The following FAM193A variants were observed in gnomAD, a reference collection of about 807,000 sequenced individuals.
FAM193A encodes the protein family with sequence similarity 193 member A.
In FAM193A, 22 loss-of-function variants were observed where a neutral mutation model predicts 126.5. The observed-to-expected ratio is 0.17, with a 90% CI of 0.12 to 0.25. FAM193A has a LOEUF of 0.25. Among genes scored for constraint, FAM193A ranks in the 10% least tolerant of loss-of-function variants. The pLI is 1.00. For synonymous variants in FAM193A, 761 were observed against 646.8 expected (o/e 1.18, Z -2.68); for missense variants, 1,675 against 1,672.8 (o/e 1.00, Z -0.02).
intron 13 of FAM193A, among the ~76,000 whole-genome samples, chr4:2,689,008 C>A (rs1051856053): frequency 1.3e-5 from 2 of 152,264 alleles, no homozygotes; most frequent in South Asian, 4.1e-4. Context: ...CCTTTGAGAA[C>A]GCCCTGGTCT....
intron 1 of FAM193A, among the ~76,000 whole-genome samples, chr4:2,591,326 C>G (rs1740559621): frequency 6.6e-6 from 1 of 152,096 alleles, no homozygotes; most frequent in Non-Finnish European, 1.5e-5. Context: ...GACCAAGGGC[C>G]TGGTGTATCC....
At chr4:2,716,526 C>G (rs1339777412) in intron 20 of FAM193A, among the ~76,000 whole-genome samples, 1 of 152,180 alleles carries the variant, frequency 6.6e-6, no homozygotes, top group Non-Finnish European at 1.5e-5. Flanking sequence ...GTGACCCTCA[C>G]ATATGCTGAT....
At chr4:2,637,818 A>C (rs1026713173) in intron 5 of FAM193A, among the ~76,000 whole-genome samples, 1 of 152,226 alleles carries the variant, frequency 6.6e-6, no homozygotes, top group African/African-American at 2.4e-5. Flanking sequence ...CATTGAATTC[A>C]GCGCTAAGGA....
intron 5 of FAM193A, 47 bp downstream of exon 5, chr4:2,631,216 GA>G: frequency 6.5e-7 from 1 of 1,541,732 alleles, no homozygotes; most frequent in Non-Finnish European, 8.8e-7. Flanking sequence ...GAGCTGAAGA[GA>G]AGCATGTGGC....
intron 20 of FAM193A, among the ~76,000 whole-genome samples, chr4:2,729,869 C>A (rs944944936): frequency 6.6e-6 from 1 of 152,174 alleles, no homozygotes; most frequent in Non-Finnish European, 1.5e-5. Context: ...ACCTCAGCCT[C>A]CCAAAGTGCT....
chr4:2,703,340 A>G (rs937565587), intron 19 of FAM193A, among the ~76,000 whole-genome samples: 2 of 152,070 alleles, frequency 1.3e-5, no homozygotes, highest in Non-Finnish European at 2.9e-5. Flanking sequence ...TCCACCCCCC[A>G]GGTTGAAGCA....
At chr4:2,653,593 G>A (rs907219601) in intron 7 of FAM193A, among the ~76,000 whole-genome samples, 13 of 151,986 alleles carry the variant, frequency 8.6e-5, no homozygotes, top group African/African-American at 2.7e-4. Flanking sequence ...ACAGGCGCCC[G>A]CCACCACGCC....
chr4:2,725,713 C>CT lies in FAM193A; in HGVS notation c.4455-6047dup, dbSNP rs869232598. 6.3e-3 allele frequency among the ~76,000 whole-genome samples: 890 copies of CT among 140,188 alleles called. 5 individuals carry two copies. The highest frequency in any genetic ancestry group is 0.016 in the African/African-American group (600 of 38,418). 92.0% of individuals were successfully genotyped at this position (140,188 alleles called of 152,430 possible). A position where few individuals can be genotyped will look rare whatever the true frequency, so the allele number is the denominator to read the frequency against. On this transcript the variant is annotated intron_variant, in intron 20 of 20. Coordinates refer to ENST00000637812, the MANE Select transcript of FAM193A (RefSeq NM_001366318.2). ...GTAAAGCAATGAGAATTCTTGACAA[C>CT]TTTTTTTTTTTTTTTAAGGCAATAG... is the stretch of plus-strand genomic sequence containing the variant.
chr4:2,688,029 G>T (rs552979399), intron 13 of FAM193A, among the ~76,000 whole-genome samples: 21 of 152,314 alleles, frequency 1.4e-4, no homozygotes, highest in African/African-American at 4.8e-4. Context: ...TGAGTTTAAA[G>T]AATTCACTAC....
chr4:2,619,932 C>G (rs1742440970), intron 2 of FAM193A, among the ~76,000 whole-genome samples: 1 of 152,126 alleles, frequency 6.6e-6, no homozygotes, highest in Admixed American at 6.6e-5. Context: ...CTCAAGTGAT[C>G]CACTCGCCTC....
chr4:2,560,244 G>A (rs565305950), intron 1 of FAM193A, among the ~76,000 whole-genome samples: 233 of 152,248 alleles, frequency 1.5e-3, no homozygotes, highest in Non-Finnish European at 2.5e-3. Flanking sequence ...CGCCTGGCCT[G>A]TGCAGGCTTT....
chr4:2,653,269 CTGT>C (rs755758390), intron 7 of FAM193A, among the ~76,000 whole-genome samples: 24 of 152,204 alleles, frequency 1.6e-4, no homozygotes, highest in South Asian at 4.1e-4. Flanking sequence ...GGTATTATTG[CTGT>C]TGTTCTAGGG....
At chr4:2,648,688 G>C (rs1745373930) in intron 7 of FAM193A, among the ~76,000 whole-genome samples, 1 of 152,242 alleles carries the variant, frequency 6.6e-6, no homozygotes, top group African/African-American at 2.4e-5. Flanking sequence ...CAGCACAGCA[G>C]AGAGGGCGCT....
intron 1 of FAM193A, among the ~76,000 whole-genome samples, chr4:2,590,672 T>G (rs1391913896): frequency 6.6e-6 from 1 of 152,060 alleles, no homozygotes; most frequent in African/African-American, 2.4e-5. Context: ...GAGTGTCTAA[T>G]GGGAAGATGG....
chr4:2,642,707 C>G (rs1046533746), intron 6 of FAM193A, among the ~76,000 whole-genome samples: 1 of 151,104 alleles, frequency 6.6e-6, no homozygotes, highest in South Asian at 2.1e-4. Context: ...TGACTGAAAC[C>G]GGAAGTGCAT....
chr4:2,568,623 A>T (rs1401064110), intron 1 of FAM193A, among the ~76,000 whole-genome samples: 2 of 152,222 alleles, frequency 1.3e-5, no homozygotes, highest in East Asian at 3.8e-4. Flanking sequence ...TCAAATGTAC[A>T]TTCTAAGCCA....
intron 20 of FAM193A, among the ~76,000 whole-genome samples, chr4:2,722,056 A>G (rs1038739506): frequency 2.0e-5 from 3 of 152,254 alleles, no homozygotes; most frequent in African/African-American, 7.2e-5. Context: ...TCACGAAATT[A>G]CCAAGAACTA....
chr4:2,675,374 C>T (rs1453765500), intron 13 of FAM193A, among the ~76,000 whole-genome samples: 3 of 152,162 alleles, frequency 2.0e-5, no homozygotes, highest in Admixed American at 1.3e-4. Flanking sequence ...ATTGATTCAT[C>T]GGTTTCTCCT....
At chr4:2,624,020 G>A (rs1314802083) in intron 2 of FAM193A, among the ~76,000 whole-genome samples, 1 of 152,130 alleles carries the variant, frequency 6.6e-6, no homozygotes, top group East Asian at 1.9e-4. Context: ...TTCCCAAGGA[G>A]CAGAGTCCTT....
Sources: allele counts gnomAD v4.1 joint callset (sites outside exome capture counted in the v4.1 genomes callset), GRCh38; gene constraint gnomAD v4.1.1; transcripts MANE v1.5; gene names NCBI Gene and HGNC (gene_info 2026-07-23, HGNC 2026-07-21).